The following MEIKIN variants were observed in gnomAD, a reference collection of about 807,000 sequenced individuals.
MEIKIN encodes meiosis-specific kinetochore protein.
At chr5:131,908,730 G>A (rs1319557812) in intron 8 of MEIKIN, among the ~76,000 whole-genome samples, 1 of 152,108 alleles carries the variant, frequency 6.6e-6, no homozygotes, top group East Asian at 1.9e-4. Context: ...AATTAGCAAA[G>A]TTACTTGATA....
intron 12 of MEIKIN, among the ~76,000 whole-genome samples, chr5:131,816,312 C>T (rs566818245): frequency 2.6e-5 from 4 of 152,152 alleles, no homozygotes; most frequent in Admixed American, 2.0e-4. Context: ...CTAATCTAAG[C>T]GTTGCTGTGA....
chr5:131,901,088 T>A (rs1330076532), intron 8 of MEIKIN, among the ~76,000 whole-genome samples: 1 of 152,096 alleles, frequency 6.6e-6, no homozygotes, highest in African/African-American at 2.4e-5. Context: ...TGTTCTTGTG[T>A]TGACACTGCC....
intron 11 of MEIKIN, among the ~76,000 whole-genome samples, chr5:131,831,063 A>G (rs1425183482): frequency 2.0e-5 from 3 of 152,096 alleles, no homozygotes; most frequent in Admixed American, 2.0e-4. Context: ...GCACCTGGCT[A>G]ATTTTTGTAT....
chr5:131,883,712 C>A (rs931752472), intron 8 of MEIKIN, among the ~76,000 whole-genome samples: 1 of 152,178 alleles, frequency 6.6e-6, no homozygotes, highest in African/African-American at 2.4e-5. Context: ...TTCAGATGAG[C>A]ACTCATAGTA....
rs190988293 is a variant in MEIKIN at position 131,886,183 on chromosome 5, G to A, written c.704-7135C>T. On this transcript the variant is annotated intron_variant, in intron 8 of 12. Coordinates refer to ENST00000442687, the MANE Select transcript of MEIKIN (RefSeq NM_001303622.2). ...AAGATCTAGAAAATAGCTTCGAAAC[G>A]GCAAATCTTAAGGGTTGTTGGCCTT... Among the ~76,000 whole-genome samples, 53 of 152,102 alleles carry A rather than the reference G, an allele frequency of 3.5e-4. 1 individual carries two copies. Among genetic ancestry groups the A allele is most frequent in the Admixed American group, 2.3e-3 (35 of 15,292 alleles).
intron 5 of MEIKIN, among the ~76,000 whole-genome samples, chr5:131,927,533 T>C (rs1360100905): frequency 6.6e-6 from 1 of 152,220 alleles, no homozygotes; most frequent in Non-Finnish European, 1.5e-5. Flanking sequence ...TCTGTCTGAA[T>C]GTTCTATCCA....
At chr5:131,870,394 C>T (rs1271384963) in intron 9 of MEIKIN, among the ~76,000 whole-genome samples, 1 of 152,022 alleles carries the variant, frequency 6.6e-6, no homozygotes, top group Non-Finnish European at 1.5e-5. Flanking sequence ...TCTTCTCCAC[C>T]ACTCTTCCTT....
chr5:131,833,734 A>C (rs1187548063), intron 11 of MEIKIN, among the ~76,000 whole-genome samples: 1 of 152,170 alleles, frequency 6.6e-6, no homozygotes, highest in Non-Finnish European at 1.5e-5. Context: ...ATTACCTCCC[A>C]ATGGGTCCCT....
chr5:131,857,102 G>A (rs556626741), intron 9 of MEIKIN, among the ~76,000 whole-genome samples: 1 of 152,004 alleles, frequency 6.6e-6, no homozygotes, highest in Non-Finnish European at 1.5e-5. Context: ...TGGGAAGACG[G>A]AACCTTGACT....
intron 8 of MEIKIN, among the ~76,000 whole-genome samples, chr5:131,890,847 G>T (rs554584006): frequency 6.6e-6 from 1 of 152,102 alleles, no homozygotes; most frequent in African/African-American, 2.4e-5. Context: ...TTCTCTTGTG[G>T]GCATTTAGTG....
chr5:131,862,786 T>A (rs1421658252), intron 9 of MEIKIN, among the ~76,000 whole-genome samples: 1 of 152,194 alleles, frequency 6.6e-6, no homozygotes, highest in Non-Finnish European at 1.5e-5. Flanking sequence ...AGCCTCAAAC[T>A]TTTGGGCTCA....
At chr5:131,917,953 G>A (rs1050273127) in intron 6 of MEIKIN, among the ~76,000 whole-genome samples, 9 of 151,946 alleles carry the variant, frequency 5.9e-5, no homozygotes, top group African/African-American at 1.5e-4. Context: ...TTCCCCCGAG[G>A]GTCCAGGCAT....
intron 12 of MEIKIN, among the ~76,000 whole-genome samples, chr5:131,811,011 T>C (rs1772942809): frequency 6.6e-6 from 1 of 152,200 alleles, no homozygotes; most frequent in South Asian, 2.1e-4. Flanking sequence ...GCTTTGCTAT[T>C]TTTACTAAAG....
intron 11 of MEIKIN, among the ~76,000 whole-genome samples, chr5:131,845,386 A>G (rs1232886330): frequency 6.6e-6 from 1 of 151,734 alleles, no homozygotes; most frequent in Non-Finnish European, 1.5e-5. Context: ...TAACAAAAAA[A>G]TCAAAAGGCA....
chr5:131,819,598 C>CTTT (rs34041769), intron 11 of MEIKIN, among the ~76,000 whole-genome samples: 4 of 130,660 alleles, frequency 3.1e-5, no homozygotes, highest in Non-Finnish European at 3.3e-5. Flanking sequence ...TAGAAACTTC[C>CTTT]TTTTTTTTTT....
At chr5:131,925,599 G>A (rs569587908) in intron 5 of MEIKIN, among the ~76,000 whole-genome samples, 50 of 152,052 alleles carry the variant, frequency 3.3e-4, no homozygotes, top group African/African-American at 1.1e-3. Context: ...ACTGATTTTC[G>A]TATGTTGATT....
At chr5:131,819,400 G>C (rs984394296) in intron 11 of MEIKIN, among the ~76,000 whole-genome samples, 4 of 143,798 alleles carry the variant, frequency 2.8e-5, no homozygotes, top group African/African-American at 1.0e-4. Flanking sequence ...CAGAGGCAGA[G>C]GTGGAGGAAG....
At chr5:131,920,761 G>A (rs1296121756) in intron 6 of MEIKIN, among the ~76,000 whole-genome samples, 1 of 150,648 alleles carries the variant, frequency 6.6e-6, no homozygotes, top group Non-Finnish European at 1.5e-5. Context: ...TGGTACAAAC[G>A]TGGCTCACTG....
rs914536575 is a variant in MEIKIN at position 131,917,109 on chromosome 5, T to G, written c.599-184A>C. ...TCAAAGTAAAAAAATGCTGCAAAAT[T>G]TTATGAGATACAGGAATCTCTCCCT... On this transcript the variant is annotated intron_variant, in intron 6 of 12. Coordinates refer to ENST00000442687, the MANE Select transcript of MEIKIN (RefSeq NM_001303622.2). Among the ~76,000 whole-genome samples the G allele has an allele frequency of 4.6e-5, 7 of 152,288 alleles. No individual in the cohort carries two copies. The East Asian group carries it at 9.6e-4, about 21-fold the overall frequency.
Sources: gnomAD v4.1 joint callset for allele counts (sites outside exome capture counted in the v4.1 genomes callset) on GRCh38, gnomAD v4.1.1 for gene constraint, MANE v1.5 for transcripts, NCBI Gene and HGNC (gene_info 2026-07-23, HGNC 2026-07-21) for gene names.